Variants in SEPTIN6 observed in about 807,000 individuals in gnomAD.
SEPTIN6 encodes the protein septin-6.
In SEPTIN6, 8 loss-of-function variants were observed where a neutral mutation model predicts 33.6. That is an observed-to-expected ratio of 0.24 (90% CI 0.14 to 0.43). The LOEUF is 0.43. Ranked by LOEUF, SEPTIN6 falls within the 20% of genes least tolerant of loss-of-function variation. SEPTIN6 has a pLI of 1.00. For synonymous variants in SEPTIN6, 131 were observed against 140.0 expected (o/e 0.94, Z 0.45); for missense variants, 250 against 340.8 (o/e 0.73, Z 2.10).
Position 119,666,053 on chromosome X carries a change from G to A in SEPTIN6, c.146-2376C>T, listed in dbSNP as rs1323708611. On this transcript the variant is annotated intron_variant, in intron 2 of 10. Transcript: ENST00000394610. ...GCTGAGATCGCGCCACTGCACTCCA[G>A]CCTGGGCGACAGAGTGAGACTCCAT... Among the ~76,000 whole-genome samples, 8 of 104,407 alleles carry A rather than the reference G, an allele frequency of 7.7e-5. No individual in the cohort carries two copies. In the East Asian group the frequency reaches 2.5e-3, roughly 32 times the overall value. 90.7% of individuals were successfully genotyped at this position (104,407 alleles called of 115,157 possible).
In SEPTIN6 at chrX:119,663,694, T is replaced by C. The variant is rs368259465; in HGVS notation, c.146-17A>G. On this transcript the variant is annotated splice_polypyrimidine_tract_variant and intron_variant, in intron 2 of 10. Coordinates refer to ENST00000394610, the MANE Select transcript of SEPTIN6 (RefSeq NM_145799.4). ...CTGTCTCTCCTGAAAAGCAAAAGGATAAATTATGGTCTGTTCACATAGTGA... is the reference window on the plus strand; with the variant it reads ...CTGTCTCTCCTGAAAAGCAAAAGGACAAATTATGGTCTGTTCACATAGTGA... 3.6e-5 allele frequency: 42 copies of C among 1,165,753 alleles called. No individual in the cohort carries two copies. Among genetic ancestry groups the C allele is most frequent in the Non-Finnish European group, 4.9e-5 (42 of 860,849 alleles).
intron 5 of SEPTIN6, among the ~76,000 whole-genome samples, chrX:119,649,159 C>G (rs1423707014): frequency 6.2e-5 from 6 of 96,650 alleles, no homozygotes; most frequent in Non-Finnish European, 1.2e-4. Context: ...CACTCTGTCG[C>G]CCAGGCTGGA....
intron 1 of SEPTIN6, among the ~76,000 whole-genome samples, chrX:119,678,528 A>AAT (rs201953907): frequency 0.029 from 3,187 of 110,035 alleles, 127 homozygotes; most frequent in African/African-American, 0.1. Context: ...CAAAAAAAAA[A>AAT]AAATAAATAA....
At chrX:119,659,286 G>A (rs892066583) in intron 3 of SEPTIN6, among the ~76,000 whole-genome samples, 16 of 111,682 alleles carry the variant, frequency 1.4e-4, no homozygotes, top group African/African-American at 4.5e-4. Flanking sequence ...TCTGGTCTTA[G>A]ACTGACTTTT....
intron 2 of SEPTIN6, among the ~76,000 whole-genome samples, chrX:119,664,522 A>G (rs183941204): frequency 1.8e-5 from 2 of 110,347 alleles, no homozygotes; most frequent in East Asian, 5.7e-4. Context: ...ACTATTTTAA[A>G]TTTTTTTAAA....
chrX:119,626,723 CTG>C (rs1233210388), intron 9 of SEPTIN6, among the ~76,000 whole-genome samples: 2 of 109,855 alleles, frequency 1.8e-5, no homozygotes, highest in African/African-American at 6.6e-5. Context: ...AAGTCTCACT[CTG>C]TCACCCAGGC....
At position 119,619,226 on chromosome X, in the gene SEPTIN6, T is replaced by C. The variant is rs1410617399; in HGVS notation, c.*867A>G. ...ATTCCTGCTACTGGCCTCACCTTAT[T>C]GGGACAGTATGGAGCCCTTCCGGAA... On this transcript the variant is annotated 3_prime_UTR_variant, in exon 11 of 11. Coordinates refer to ENST00000394610, the MANE Select transcript of SEPTIN6 (RefSeq NM_145799.4). The C allele has an allele frequency of 1.2e-5, 10 of 820,099 alleles. No individual in the cohort carries two copies. Among genetic ancestry groups the C allele is most frequent in the South Asian group, 6.5e-5 (1 of 15,430 alleles). The allele number at this position is 820,099 out of a possible 1,213,427, so 67.6% of individuals were successfully genotyped here.
chrX:119,663,792 A>C, intron 2 of SEPTIN6, 115 bp from the exon 3 acceptor site: 2 of 575,870 alleles, frequency 3.5e-6, no homozygotes, highest in Non-Finnish European at 5.4e-6. Flanking sequence ...ATAAAACATA[A>C]AGCAAAAAGC....
chrX:119,641,362 A>G (rs1261195664), intron 5 of SEPTIN6, among the ~76,000 whole-genome samples: 4 of 112,037 alleles, frequency 3.6e-5, no homozygotes, highest in Non-Finnish European at 7.5e-5. Flanking sequence ...ATTTACTCAC[A>G]TGACCATGCT....
chrX:119,680,195 TTTTA>T (rs201992348), intron 1 of SEPTIN6, among the ~76,000 whole-genome samples: 28,901 of 96,730 alleles, frequency 0.3, 4,262 homozygotes, highest in East Asian at 0.44. Context: ...ACACTCTTAA[TTTTA>T]TTTATTTATT....
chrX:119,679,380 G>A (rs1226109789), intron 1 of SEPTIN6, among the ~76,000 whole-genome samples: 1 of 111,886 alleles, frequency 8.9e-6, no homozygotes, highest in Non-Finnish European at 1.9e-5. Flanking sequence ...CACTCCAGCT[G>A]CAGGGTGTTT....
At chrX:119,662,178 G>A (rs1296218948) in intron 3 of SEPTIN6, among the ~76,000 whole-genome samples, 1 of 111,308 alleles carries the variant, frequency 9.0e-6, no homozygotes, top group African/African-American at 3.3e-5. Context: ...ACTCTACTCT[G>A]ATCCCTGGGT....
At chrX:119,649,038 G>A (rs1383779246) in intron 5 of SEPTIN6, among the ~76,000 whole-genome samples, 1 of 110,643 alleles carries the variant, frequency 9.0e-6, no homozygotes, top group Non-Finnish European at 1.9e-5. Flanking sequence ...GAAAGTGGGG[G>A]AGGAGAGGAA....
chrX:119,640,627 G>T, intron 6 of SEPTIN6, 65 bp downstream of exon 6: 1 of 902,340 alleles, frequency 1.1e-6, no homozygotes, highest in Non-Finnish European at 1.6e-6. Context: ...ATAGTGGCTG[G>T]GGACAAACAA....
In SEPTIN6 at chrX:119,617,268, T is replaced by C; in HGVS notation, c.*2825A>G. 1 of 805,483 alleles carries C rather than the reference T, an allele frequency of 1.2e-6. No homozygotes were observed. Among genetic ancestry groups the C allele is most frequent in the Non-Finnish European group, 1.5e-6 (1 of 670,259 alleles). The allele number at this position is 805,483 out of a possible 1,213,427, so 66.4% of individuals were successfully genotyped here. On this transcript the variant is annotated 3_prime_UTR_variant, in exon 11 of 11. Coordinates refer to ENST00000394610, the MANE Select transcript of SEPTIN6 (RefSeq NM_145799.4). ...TATTTTTTTTTTAAATAGTAACAGT[T>C]GTACTAATTTAAAAGCCTTTTCATT...
intron 7 of SEPTIN6, among the ~76,000 whole-genome samples, chrX:119,634,746 T>A (rs1400472959): frequency 9.0e-6 from 1 of 111,139 alleles, no homozygotes; most frequent in South Asian, 3.7e-4. Context: ...TGGTGGCTCA[T>A]GCCTGTAATC....
rs1327604408 is a variant in SEPTIN6 at position 119,637,099 on chromosome X, T to C, written c.884A>G (p.Tyr295Cys). 8.3e-7 allele frequency: 1 copy of C among 1,209,427 alleles called. No homozygotes were observed. The highest frequency in any genetic ancestry group is 1.1e-6 in the Non-Finnish European group (1 of 894,946). Reference sequence around the variant, plus strand: ...CAGCTTACAGCGGCGATACAGCTCATAGTGCCGGGTGTGGGTCTGCTCCCG... The same window carrying C: ...CAGCTTACAGCGGCGATACAGCTCACAGTGCCGGGTGTGGGTCTGCTCCCG... The part of the protein sequence containing the change: ...DLREQTHTRH[Y>C]ELYRRCKLEE... The change falls in exon 7 of 11, where the codon TAT becomes TGT. Residue 295 changes from tyrosine (Y) to cysteine (C), a missense_variant. By Grantham distance (194) the Tyr-to-Cys change is radical. This residue lies in a region of SEPTIN6 where 139 missense variants were observed against 227.0 expected (regional missense o/e 0.61). Coordinates refer to ENST00000394610, the MANE Select transcript of SEPTIN6 (RefSeq NM_145799.4).
rs766114024 is a variant in SEPTIN6, at chrX:119,653,264, C to T, written c.342-224G>A. 8.1e-5 allele frequency among the ~76,000 whole-genome samples: 9 copies of T among 111,403 alleles called. No individual in the cohort carries two copies. In the South Asian group the frequency reaches 3.4e-3, roughly 42 times the overall value. ...ATCTGTGCACCTTCACTAGAATGCCCCTTTCTCTCTCCTCATCCCAATTCT... is the reference window on the plus strand; with the variant it reads ...ATCTGTGCACCTTCACTAGAATGCCTCTTTCTCTCTCCTCATCCCAATTCT... On this transcript the variant is annotated intron_variant, in intron 3 of 10. Coordinates refer to ENST00000394610, the MANE Select transcript of SEPTIN6 (RefSeq NM_145799.4).
intron 9 of SEPTIN6, among the ~76,000 whole-genome samples, chrX:119,626,373 C>T (rs1049851409): frequency 8.9e-6 from 1 of 111,791 alleles, no homozygotes; most frequent in African/African-American, 3.2e-5. Flanking sequence ...CAAACCAATT[C>T]CTAACTCCCA....
Sources: gnomAD v4.1 joint callset for allele counts (sites outside exome capture counted in the v4.1 genomes callset) on GRCh38, gnomAD v4.1.1 for gene constraint, gnomAD v4.1.1 regional missense constraint, MANE v1.5 for transcripts, NCBI Gene and HGNC (gene_info 2026-07-23, HGNC 2026-07-21) for gene names.